KIAA0232: variants seen among roughly 807,000 people sequenced by gnomAD.
The protein encoded by KIAA0232 is uncharacterized protein KIAA0232.
In KIAA0232, 27 loss-of-function variants were observed where a neutral mutation model predicts 122.0. That is an observed-to-expected ratio of 0.22 (90% CI 0.16 to 0.31). KIAA0232 has a LOEUF of 0.31. Among genes scored for constraint, KIAA0232 ranks in the 10% least tolerant of loss-of-function variants. The probability of loss-of-function intolerance (pLI) is 1.00; values close to 1 mark genes in which losing one functional copy is unlikely to be tolerated. For missense variants in KIAA0232, 1,551 were observed against 1,634.2 expected (o/e 0.95, Z 0.88); for synonymous variants, 613 against 587.6 (o/e 1.04, Z -0.63).
chr4:6,786,774 C>T (rs1373543847), intron 1 of KIAA0232, among the ~76,000 whole-genome samples: 1 of 152,158 alleles, frequency 6.6e-6, no homozygotes, highest in Non-Finnish European at 1.5e-5. Flanking sequence ...GTCATCTTTC[C>T]CATTTGTATC....
At chr4:6,867,426 T>A (rs1485766070) in intron 7 of KIAA0232, among the ~76,000 whole-genome samples, 1 of 152,198 alleles carries the variant, frequency 6.6e-6, no homozygotes, top group Non-Finnish European at 1.5e-5. Context: ...GATCTCACGG[T>A]CTCTGGAGTA....
At chr4:6,792,889 A>T (rs1345563419) in intron 1 of KIAA0232, among the ~76,000 whole-genome samples, 1 of 151,564 alleles carries the variant, frequency 6.6e-6, no homozygotes, top group Non-Finnish European at 1.5e-5. Flanking sequence ...ACGGGGTTTC[A>T]CCATGTTAGA....
chr4:6,807,072 A>G (rs1432343618), intron 2 of KIAA0232, among the ~76,000 whole-genome samples: 1 of 151,194 alleles, frequency 6.6e-6, no homozygotes, highest in Non-Finnish European at 1.5e-5. Flanking sequence ...CTATCTATCT[A>G]TCTATCTATT....
In KIAA0232 at chr4:6,876,668, A is replaced by C; in HGVS notation, c.3919A>C (p.Thr1307Pro). 1 of 1,607,544 alleles carries C rather than the reference A, an allele frequency of 6.2e-7. No homozygotes were observed. Among genetic ancestry groups the C allele is most frequent in the Non-Finnish European group, 8.5e-7 (1 of 1,174,072 alleles). ...FPASECEECYTNAKGESGLEE... is the reference protein window; with the variant it reads ...FPASECEECYPNAKGESGLEE... ...CATTCCAAATGATTAAGAATGTTAC[A>C]CAAATGCCAAGGGAGAGAGTGGTTT... Residue 1307 changes from threonine (T) to proline (P), a missense_variant, in exon 9 of 10, where the codon ACA becomes CCA. Physicochemically the swap from Thr to Pro is conservative, Grantham distance 38 (BLOSUM62 -1). Around this residue, in one of 5 missense-constraint regions of KIAA0232, gnomAD observed 1,108 missense variants for 1,154.8 expected, o/e 0.96. Coordinates refer to ENST00000307659, the MANE Select transcript of KIAA0232 (RefSeq NM_014743.3).
At chr4:6,867,523 T>C (rs1246080156) in intron 7 of KIAA0232, among the ~76,000 whole-genome samples, 1 of 152,224 alleles carries the variant, frequency 6.6e-6, no homozygotes, top group Non-Finnish European at 1.5e-5. Context: ...GTTCTTGTCG[T>C]TTCTTTGGTT....
At chr4:6,856,492 CTTATT>C (rs1720578183) in intron 4 of KIAA0232, among the ~76,000 whole-genome samples, 3 of 152,002 alleles carry the variant, frequency 2.0e-5, no homozygotes, top group African/African-American at 7.3e-5. Context: ...AAGGTTGACT[CTTATT>C]TTTACCCTCC....
rs7680215 is a variant in KIAA0232 at position 6,856,123 on chromosome 4, A to G, written c.370-1041A>G. Among the ~76,000 whole-genome samples the G allele has an allele frequency of 4.4e-3, 670 of 152,280 alleles. 3 individuals carry two copies. The highest frequency in any genetic ancestry group is 0.015 in the African/African-American group (641 of 41,558). On this transcript the variant is annotated intron_variant, in intron 4 of 9. Transcript: ENST00000307659. The stretch of plus-strand genomic sequence containing the variant: ...CTGTTTCTTGCTACTCAAACTGTGT[A>G]ACCGTGGGATTTCTTATGTAGGATA...
intron 1 of KIAA0232, among the ~76,000 whole-genome samples, chr4:6,786,880 G>A (rs532173943): frequency 1.2e-4 from 18 of 152,186 alleles, no homozygotes; most frequent in African/African-American, 3.9e-4. Context: ...AGAGCACAAG[G>A]TTAAAAATAT....
rs550276701 is a variant in KIAA0232 at position 6,849,818 on chromosome 4, A to C, written c.370-7346A>C. ...TTACTAAGGAAAAGGAACCTAAGGA[A>C]GGAACATCTTTGTGGTATGAATAAG... On this transcript the variant is annotated intron_variant, in intron 4 of 9. Coordinates refer to ENST00000307659, the MANE Select transcript of KIAA0232 (RefSeq NM_014743.3). Among the ~76,000 whole-genome samples, 10 of 152,324 alleles carry C rather than the reference A, an allele frequency of 6.6e-5. No homozygotes were observed. In the East Asian group the frequency reaches 1.9e-3, roughly 29 times the overall value.
chr4:6,880,585 C>T (rs1271620364), intron 9 of KIAA0232, among the ~76,000 whole-genome samples: 3 of 152,200 alleles, frequency 2.0e-5, no homozygotes, highest in Non-Finnish European at 4.4e-5. Context: ...AGTGACTGAA[C>T]ATGTGGAATT....
At chr4:6,870,231 C>T (rs1221129950) in intron 7 of KIAA0232, among the ~76,000 whole-genome samples, 1 of 152,164 alleles carries the variant, frequency 6.6e-6, no homozygotes, top group Non-Finnish European at 1.5e-5. Context: ...AGCAGGTGGG[C>T]GGGGCCCAGC....
At chr4:6,823,748 T>C (rs893300513) in intron 2 of KIAA0232, among the ~76,000 whole-genome samples, 1 of 152,122 alleles carries the variant, frequency 6.6e-6, no homozygotes, top group Non-Finnish European at 1.5e-5. Context: ...ATTGGTATAA[T>C]TGAGCAGAAG....
chr4:6,861,034 G>T lies in KIAA0232; in HGVS notation c.652G>T (p.Asp218Tyr), dbSNP rs191460147. Residue 218 changes from aspartate to tyrosine, a missense_variant, in exon 7 of 10, where the codon GAT becomes TAT. By Grantham distance (160) the Asp-to-Tyr change is radical. Around this residue, in one of 5 missense-constraint regions of KIAA0232, gnomAD observed 377 missense variants for 381.7 expected, o/e 0.99. Coordinates refer to ENST00000307659, the MANE Select transcript of KIAA0232 (RefSeq NM_014743.3). Reference protein sequence around the residue: ...SSSTAPPASTDTSSPKDCNSE... With the variant: ...SSSTAPPASTYTSSPKDCNSE... ...ATCCACAGCCCCACCAGCTAGCACAGATACTTCCTCTCCTAAGGACTGCAA... is the reference window on the plus strand; with the variant it reads ...ATCCACAGCCCCACCAGCTAGCACATATACTTCCTCTCCTAAGGACTGCAA... The T allele has an allele frequency of 6.2e-7, 1 of 1,614,162 alleles. No individual in the cohort carries two copies. Among genetic ancestry groups the T allele is most frequent in the Admixed American group, 1.7e-5 (1 of 60,016 alleles).
At chr4:6,783,002 G>T (rs1298020338) in intron 1 of KIAA0232, among the ~76,000 whole-genome samples, 161 bp downstream of exon 1, 2 of 151,524 alleles carry the variant, frequency 1.3e-5, no homozygotes, top group African/African-American at 4.8e-5. Flanking sequence ...AAGGGAGACA[G>T]GGCCGCCGCC....
In KIAA0232 at chr4:6,862,109, C is replaced by A; in HGVS notation, c.1727C>A (p.Ala576Asp). Residue 576 changes from alanine (A) to aspartate (D), a missense_variant, in exon 7 of 10, where the codon GCT becomes GAT. Ala to Asp is a moderately radical substitution (Grantham distance 126). Around this residue, in one of 5 missense-constraint regions of KIAA0232, gnomAD observed 1,108 missense variants for 1,154.8 expected, o/e 0.96. Coordinates refer to ENST00000307659, the MANE Select transcript of KIAA0232 (RefSeq NM_014743.3). ...IWTDSTSSVG[A>D]EGLFLQDLGN... Reference sequence around the variant, plus strand: ...ACAGATTCTACCAGCTCCGTAGGTGCTGAGGGCTTATTCCTGCAGGACCTT... The same window carrying A: ...ACAGATTCTACCAGCTCCGTAGGTGATGAGGGCTTATTCCTGCAGGACCTT... 1 of 1,614,180 alleles carries A rather than the reference C, an allele frequency of 6.2e-7. No homozygotes were observed. Among genetic ancestry groups the A allele is most frequent in the South Asian group, 1.1e-5 (1 of 91,082 alleles).
At position 6,861,793 on chromosome 4, in the gene KIAA0232, G is replaced by T; in HGVS notation, c.1411G>T (p.Val471Leu). The T allele has an allele frequency of 1.2e-6, 2 of 1,614,126 alleles. No individual in the cohort carries two copies. The highest frequency in any genetic ancestry group is 1.7e-6 in the Non-Finnish European group (2 of 1,180,014). Residue 471 changes from valine (V) to leucine (L), a missense_variant, in exon 7 of 10, where the codon GTA becomes TTA. Coordinates refer to ENST00000307659, the MANE Select transcript of KIAA0232 (RefSeq NM_014743.3). ...AGGTACTTTCATTGATGGTCATTTT[G>T]TAGAAATGCCTGCAGTTATAAATGA... ...AAGTFIDGHF[V>L]EMPAVINEDI...
intron 6 of KIAA0232, among the ~76,000 whole-genome samples, chr4:6,858,717 G>A (rs560833254): frequency 6.6e-6 from 1 of 152,248 alleles, no homozygotes; most frequent in South Asian, 2.1e-4. Context: ...AATATTTGTG[G>A]AACAAATGAG....
chr4:6,795,718 G>T (rs1717104083), intron 1 of KIAA0232, among the ~76,000 whole-genome samples: 1 of 152,158 alleles, frequency 6.6e-6, no homozygotes, highest in Non-Finnish European at 1.5e-5. Flanking sequence ...TCAGCCTCCT[G>T]AGTAGCTGGG....
chr4:6,857,457 T>C (rs1235783526), intron 5 of KIAA0232, among the ~76,000 whole-genome samples: 1 of 152,234 alleles, frequency 6.6e-6, no homozygotes, highest in Non-Finnish European at 1.5e-5. Context: ...GGGAGGGACT[T>C]AGTCCACAGG....
Sources: allele counts gnomAD v4.1 joint callset (sites outside exome capture counted in the v4.1 genomes callset), GRCh38; gene constraint gnomAD v4.1.1; regional missense constraint gnomAD v4.1.1; transcripts MANE v1.5; gene names NCBI Gene and HGNC (gene_info 2026-07-23, HGNC 2026-07-21).